SH2D4B: variants seen among roughly 807,000 people sequenced by gnomAD.
SH2D4B encodes the protein SH2 domain containing 4B.
In SH2D4B, 45 loss-of-function variants were observed where a neutral mutation model predicts 61.5. The observed-to-expected ratio is 0.73, with a 90% CI of 0.58 to 0.94. The LOEUF is 0.94. SH2D4B is among the 40% of genes least tolerant of loss of function. The probability of loss-of-function intolerance (pLI) is 0.00; values close to 1 mark genes in which losing one functional copy is unlikely to be tolerated. For synonymous variants in SH2D4B, 224 were observed against 220.4 expected (o/e 1.02, Z -0.14); for missense variants, 572 against 574.2 (o/e 1.00, Z 0.04).
At chr10:80,559,067 T>C (rs1363616712) in intron 1 of SH2D4B, among the ~76,000 whole-genome samples, 1 of 152,150 alleles carries the variant, frequency 6.6e-6, no homozygotes, top group Admixed American at 6.5e-5. Context: ...TTTTGTTTTA[T>C]TTAATTTTTA....
At chr10:80,564,564 G>T (rs957199127) in intron 1 of SH2D4B, among the ~76,000 whole-genome samples, 1 of 152,152 alleles carries the variant, frequency 6.6e-6, no homozygotes, top group Non-Finnish European at 1.5e-5. Context: ...ATGTCCTTGG[G>T]CATCTTCCGT....
chr10:80,546,192 G>A (rs528509058), intron 1 of SH2D4B, among the ~76,000 whole-genome samples: 62 of 149,232 alleles, frequency 4.2e-4, no homozygotes, highest in African/African-American at 1.0e-3. Context: ...CTACAGGCGT[G>A]TGCCACCATG....
rs1840394796 is a variant in SH2D4B, at chr10:80,646,312, G to A, written c.*2227G>A. On this transcript the variant is annotated 3_prime_UTR_variant, in exon 8 of 8. Transcript: ENST00000646907. ...ATGAGTTGAGACCCTGAATCCCTGG[G>A]CTGTTGTTCCTGTCACCCCTAATTA... 6.6e-6 allele frequency: 1 copy of A among 152,604 alleles called. No individual in the cohort carries two copies. The highest frequency in any genetic ancestry group is 6.5e-5 in the Admixed American group (1 of 15,274). 9.5% of individuals were successfully genotyped at this position (152,604 alleles called of 1,614,324 possible).
intron 6 of SH2D4B, 104 bp from the exon 7 acceptor site, chr10:80,634,181 T>C: frequency 1.4e-6 from 2 of 1,413,976 alleles, no homozygotes; most frequent in Non-Finnish European, 1.9e-6. Flanking sequence ...GTGGATGGCA[T>C]GTGCACTGAG....
At chr10:80,543,654 C>T (rs1481657891) in intron 1 of SH2D4B, among the ~76,000 whole-genome samples, 2 of 152,216 alleles carry the variant, frequency 1.3e-5, no homozygotes, top group Non-Finnish European at 2.9e-5. Context: ...GCGGGATCCA[C>T]TGGGTGAAGC....
chr10:80,544,532 C>G (rs1271259490), intron 1 of SH2D4B, among the ~76,000 whole-genome samples: 2 of 152,260 alleles, frequency 1.3e-5, no homozygotes, highest in African/African-American at 4.8e-5. Context: ...TTCCCTGTTT[C>G]CTGGGCCCGT....
intron 6 of SH2D4B, among the ~76,000 whole-genome samples, chr10:80,614,716 G>T (rs1276395227): frequency 1.3e-5 from 2 of 152,192 alleles, no homozygotes; most frequent in Non-Finnish European, 2.9e-5. Context: ...AAACACTGCT[G>T]ATATTGCTCC....
At chr10:80,542,624 G>C (rs1167246948) in intron 1 of SH2D4B, among the ~76,000 whole-genome samples, 1 of 151,900 alleles carries the variant, frequency 6.6e-6, no homozygotes, top group Non-Finnish European at 1.5e-5. Context: ...TTGAACTCTT[G>C]ACCTCAGGTA....
chr10:80,605,220 G>T (rs962709428), intron 5 of SH2D4B, among the ~76,000 whole-genome samples: 1 of 151,258 alleles, frequency 6.6e-6, no homozygotes, highest in Non-Finnish European at 1.5e-5. Flanking sequence ...CACTTTGATT[G>T]CTTTCCCCTC....
chr10:80,599,665 C>T (rs1475495044), intron 4 of SH2D4B, among the ~76,000 whole-genome samples: 1 of 152,176 alleles, frequency 6.6e-6, no homozygotes, highest in Non-Finnish European at 1.5e-5. Flanking sequence ...TGGCTGCCGA[C>T]CTCAGAAGCC....
intron 6 of SH2D4B, among the ~76,000 whole-genome samples, chr10:80,627,927 T>TG: frequency 1.3e-5 from 2 of 152,218 alleles, no homozygotes; most frequent in Non-Finnish European, 2.9e-5. Context: ...ATATTCATTC[T>TG]AAAATTGTCA....
Position 80,571,419 on chromosome 10 carries a change from C to G in SH2D4B, c.348-12C>G. On this transcript the variant is annotated splice_polypyrimidine_tract_variant and intron_variant, in intron 2 of 7. Coordinates refer to ENST00000646907, the MANE Select transcript of SH2D4B (RefSeq NM_001388272.1). The stretch of plus-strand genomic sequence containing the variant: ...TTCACACAAGCTTATACCTGTGGTG[C>G]TCTCTTGGTAGGAGACAGAAGGAGG... 6.2e-7 allele frequency: 1 copy of G among 1,613,248 alleles called. No individual in the cohort carries two copies. Among genetic ancestry groups the G allele is most frequent in the Non-Finnish European group, 8.5e-7 (1 of 1,179,536 alleles).
At chr10:80,560,364 A>G (rs1383231381) in intron 1 of SH2D4B, among the ~76,000 whole-genome samples, 1 of 150,814 alleles carries the variant, frequency 6.6e-6, no homozygotes, top group African/African-American at 2.4e-5. Context: ...TTATTTATAT[A>G]TTCTTAGATT....
At chr10:80,565,475 A>C (rs949509179) in intron 1 of SH2D4B, among the ~76,000 whole-genome samples, 3 of 151,662 alleles carry the variant, frequency 2.0e-5, no homozygotes, top group African/African-American at 7.3e-5. Context: ...AGCTCACTGC[A>C]GTCTCCAGCT....
chr10:80,589,000 CT>C (rs200753787), intron 4 of SH2D4B, among the ~76,000 whole-genome samples: 21,510 of 146,962 alleles, frequency 0.15, 1,820 homozygotes, highest in East Asian at 0.32. Flanking sequence ...TTTTCTTTTT[CT>C]TTTTTTTTTT....
intron 4 of SH2D4B, among the ~76,000 whole-genome samples, chr10:80,591,098 T>C (rs1301115175): frequency 2.0e-5 from 3 of 151,422 alleles, no homozygotes; most frequent in Non-Finnish European, 2.9e-5. Context: ...GATTGAATAA[T>C]ATTCTAATGT....
intron 4 of SH2D4B, among the ~76,000 whole-genome samples, chr10:80,600,058 A>G (rs1842433502): frequency 6.6e-6 from 1 of 152,198 alleles, no homozygotes; most frequent in Non-Finnish European, 1.5e-5. Flanking sequence ...AGCCCATGCC[A>G]GGGCTTTCCA....
intron 3 of SH2D4B, among the ~76,000 whole-genome samples, chr10:80,571,984 G>T (rs970552763): frequency 1.3e-5 from 2 of 151,982 alleles, no homozygotes; most frequent in African/African-American, 2.4e-5. Context: ...GTGTTAGCCA[G>T]GATGGTCTTG....
chr10:80,573,391 A>AT (rs138513515), intron 3 of SH2D4B, among the ~76,000 whole-genome samples: 44,474 of 151,630 alleles, frequency 0.29, 8,687 homozygotes, highest in African/African-American at 0.57. Flanking sequence ...CTATCAGTCT[A>AT]TTTATTTTCA....
Sources: gnomAD v4.1 joint callset for allele counts (sites outside exome capture counted in the v4.1 genomes callset) on GRCh38, gnomAD v4.1.1 for gene constraint, MANE v1.5 for transcripts, NCBI Gene and HGNC (gene_info 2026-07-23, HGNC 2026-07-21) for gene names.